ACAD11: variants seen among roughly 807,000 people sequenced by gnomAD.
ACAD11 encodes acyl-CoA dehydrogenase family member 11.
ACAD11 carries 83 observed loss-of-function variants against 102.2 expected under a neutral mutation model. The ratio of observed to expected loss-of-function variants is 0.81; its 90% confidence interval spans 0.68 to 0.97. The LOEUF is 0.97. ACAD11 is among the 50% of genes least tolerant of loss of function. The pLI is 0.00. For missense variants in ACAD11, 901 were observed against 951.7 expected (o/e 0.95, Z 0.70); for synonymous variants, 324 against 319.8 (o/e 1.01, Z -0.14).
intron 17 of ACAD11, among the ~76,000 whole-genome samples, chr3:132,561,515 C>T (rs1398923429): frequency 1.3e-5 from 2 of 152,166 alleles, no homozygotes; most frequent in African/African-American, 4.8e-5. Context: ...CTGAACTGAG[C>T]AACTGCCTTA....
At chr3:132,579,239 A>G in intron 14 of ACAD11, 1 of 636,136 alleles carries the variant, frequency 1.6e-6, no homozygotes, top group Non-Finnish European at 2.5e-6. Context: ...TTTAATCCAA[A>G]CAGCTTTGAT....
At chr3:132,559,803 G>T (rs752666302) in intron 19 of ACAD11, 30 bp downstream of exon 19, 2 of 1,575,828 alleles carry the variant, frequency 1.3e-6, no homozygotes, top group South Asian at 1.1e-5. Flanking sequence ...CCTATCAAAC[G>T]TAGATGATTC....
At chr3:132,575,201 G>T (rs1052101874) in intron 17 of ACAD11, among the ~76,000 whole-genome samples, 2 of 152,168 alleles carry the variant, frequency 1.3e-5, no homozygotes, top group South Asian at 2.1e-4. Flanking sequence ...ACAGTGATTT[G>T]TAACAACAGA....
At chr3:132,590,205 A>G (rs1938019313) in intron 13 of ACAD11, among the ~76,000 whole-genome samples, 1 of 152,192 alleles carries the variant, frequency 6.6e-6, no homozygotes, top group Non-Finnish European at 1.5e-5. Flanking sequence ...TCCTTTGGGT[A>G]TATACCCAGT....
At chr3:132,605,591 T>C (rs1938805092) in intron 11 of ACAD11, among the ~76,000 whole-genome samples, 1 of 152,220 alleles carries the variant, frequency 6.6e-6, no homozygotes, top group Admixed American at 6.5e-5. Context: ...ACATTGCATG[T>C]CCTACTGAGA....
intron 11 of ACAD11, among the ~76,000 whole-genome samples, chr3:132,612,941 G>C (rs907891175): frequency 1.3e-5 from 2 of 152,034 alleles, no homozygotes; most frequent in African/African-American, 4.8e-5. Flanking sequence ...GTTTATTGTG[G>C]CACTATTCAC....
Position 132,618,766 on chromosome 3 carries a change from C to T in ACAD11, c.1282G>A (p.Ala428Thr), listed in dbSNP as rs1434980546. The change falls in exon 11 of 20, where the codon GCC becomes ACC. Residue 428 changes from alanine to threonine, a missense_variant. Coordinates refer to ENST00000264990, the MANE Select transcript of ACAD11 (RefSeq NM_032169.5). ...AAGTTCCAGAGACCCTCGACTTTGG[C>T]CATTTCCTGTCAAGGTGATGAACAT... ...PLVIDKLKEM[A>T]KVEGLWNLFL... 1.9e-6 allele frequency: 3 copies of T among 1,589,132 alleles called. No homozygotes were observed. Among genetic ancestry groups the T allele is most frequent in the Admixed American group, 3.7e-5 (2 of 54,318 alleles).
At chr3:132,566,488 C>T (rs148455348) in intron 17 of ACAD11, among the ~76,000 whole-genome samples, 1 of 152,006 alleles carries the variant, frequency 6.6e-6, no homozygotes, top group African/African-American at 2.4e-5. Flanking sequence ...CTGGGTGAAT[C>T]CCAAGCAGGA....
chr3:132,610,708 C>A (rs1939095839), intron 11 of ACAD11, among the ~76,000 whole-genome samples: 2 of 152,190 alleles, frequency 1.3e-5, no homozygotes, highest in South Asian at 2.1e-4. Flanking sequence ...CAATAACAGG[C>A]TCTGAAATTG....
intron 14 of ACAD11, 70 bp from the exon 15 acceptor site, chr3:132,578,951 T>C (rs766405127): frequency 5.0e-6 from 8 of 1,597,356 alleles, no homozygotes; most frequent in Non-Finnish European, 6.8e-6. Flanking sequence ...ATAAGCAGAA[T>C]CACAATTGTC....
intron 7 of ACAD11, 125 bp downstream of exon 7, chr3:132,630,312 T>C: frequency 9.3e-7 from 1 of 1,069,936 alleles, no homozygotes; most frequent in African/African-American, 1.6e-5. Context: ...CTATGTCTGA[T>C]ACCTGTCATT....
At chr3:132,654,268 C>T (rs958094405) in intron 1 of ACAD11, among the ~76,000 whole-genome samples, 30 of 152,296 alleles carry the variant, frequency 2.0e-4, no homozygotes, top group African/African-American at 6.0e-4. Context: ...ATTTTTGTCA[C>T]GTGTAAACAT....
intron 9 of ACAD11, among the ~76,000 whole-genome samples, chr3:132,624,189 C>T (rs1939712963): frequency 6.6e-6 from 1 of 151,642 alleles, no homozygotes; most frequent in Admixed American, 6.6e-5. Flanking sequence ...TCCTGTAATC[C>T]CAGCTACTCA....
intron 13 of ACAD11, among the ~76,000 whole-genome samples, chr3:132,598,212 A>G (rs1009485359): frequency 6.6e-6 from 1 of 152,220 alleles, no homozygotes; most frequent in African/African-American, 2.4e-5. Context: ...AACAAAATTC[A>G]GCACTATAAT....
chr3:132,636,610 T>C (rs963942476), intron 5 of ACAD11, among the ~76,000 whole-genome samples: 1 of 152,168 alleles, frequency 6.6e-6, no homozygotes, highest in African/African-American at 2.4e-5. Flanking sequence ...TAGTAAAATT[T>C]GCTTTGAATT....
chr3:132,614,524 A>T (rs930869103), intron 11 of ACAD11, among the ~76,000 whole-genome samples: 2 of 152,166 alleles, frequency 1.3e-5, no homozygotes, highest in Admixed American at 6.5e-5. Context: ...AACGCCACAC[A>T]TCTACAACCA....
At chr3:132,566,178 A>G (rs944068040) in intron 17 of ACAD11, among the ~76,000 whole-genome samples, 1 of 152,074 alleles carries the variant, frequency 6.6e-6, no homozygotes, top group Non-Finnish European at 1.5e-5. Flanking sequence ...CAGTTCAAAT[A>G]AAAAGCTCAG....
intron 13 of ACAD11, among the ~76,000 whole-genome samples, chr3:132,593,966 A>G (rs1938193047): frequency 6.6e-6 from 1 of 152,184 alleles, no homozygotes; most frequent in African/African-American, 2.4e-5. Context: ...TCTAAGCTAC[A>G]TGATTATTTC....
In ACAD11 at chr3:132,626,752, C is replaced by A. The variant is rs913236933; in HGVS notation, c.1136G>T (p.Gly379Val). 1 of 1,613,856 alleles carries A rather than the reference C, an allele frequency of 6.2e-7. No individual in the cohort carries two copies. Among genetic ancestry groups the A allele is most frequent in the Non-Finnish European group, 8.5e-7 (1 of 1,179,958 alleles). ...CTTCACCTTAATAAGAACTTCCTGACCTTTCCGAGTCTGTACAAACAACTG... is the reference window on the plus strand; with the variant it reads ...CTTCACCTTAATAAGAACTTCCTGAACTTTCCGAGTCTGTACAAACAACTG... ...TGQLFVQTRK[G>V]QEVLIKVKHF... Residue 379 changes from glycine to valine, a missense_variant, in exon 9 of 20, where the codon GGT (glycine) becomes GTT (valine). Gly to Val is a moderately radical substitution (Grantham distance 109). Coordinates refer to ENST00000264990, the MANE Select transcript of ACAD11 (RefSeq NM_032169.5).
Sources: gnomAD v4.1 joint callset for allele counts (sites outside exome capture counted in the v4.1 genomes callset) on GRCh38, gnomAD v4.1.1 for gene constraint, MANE v1.5 for transcripts, NCBI Gene and HGNC (gene_info 2026-07-23, HGNC 2026-07-21) for gene names.